Variants in MSRA observed in about 807,000 individuals in gnomAD.
MSRA encodes the protein methionine sulfoxide reductase A.
Under a neutral mutation model 31.3 loss-of-function variants are expected in MSRA, and 54 were observed. The ratio of observed to expected loss-of-function variants is 1.73; its 90% CI spans 1.39 to 2.17. MSRA has a LOEUF of 2.17. MSRA is among the 30% of genes most tolerant of loss of function. The pLI is 0.00. For missense variants in MSRA, 507 were observed against 300.9 expected, an observed-to-expected ratio of 1.69 and a Z score of -5.07; for synonymous variants, 169 against 116.5, an observed-to-expected ratio of 1.45 and a Z score of -2.90.
chr8:10,125,197 G>T (rs1166189428), intron 1 of MSRA, among the ~76,000 whole-genome samples: 4 of 152,200 alleles, frequency 2.6e-5, no homozygotes, highest in Non-Finnish European at 5.9e-5. Flanking sequence ...TTGGGGAGTA[G>T]GGGACAACTT....
chr8:10,125,566 G>A (rs1475292909), intron 1 of MSRA, among the ~76,000 whole-genome samples: 5 of 152,136 alleles, frequency 3.3e-5, no homozygotes, highest in Admixed American at 3.3e-4. Flanking sequence ...GAACATTGGG[G>A]GCCAGGCTCC....
chr8:10,378,831 G>A (rs531074368), intron 5 of MSRA, among the ~76,000 whole-genome samples: 1 of 152,328 alleles, frequency 6.6e-6, no homozygotes, highest in African/African-American at 2.4e-5. Context: ...ACTAAGATGT[G>A]AGAGCCACTG....
At chr8:10,240,928 G>A (rs1430580476) in intron 2 of MSRA, among the ~76,000 whole-genome samples, 1 of 152,108 alleles carries the variant, frequency 6.6e-6, no homozygotes, top group Non-Finnish European at 1.5e-5. Flanking sequence ...GAGGGAGGGA[G>A]TTGGTGCAGC....
intron 4 of MSRA, among the ~76,000 whole-genome samples, chr8:10,319,027 C>T (rs1479501874): frequency 6.6e-6 from 1 of 152,274 alleles, no homozygotes; most frequent in Middle Eastern, 3.4e-3. Context: ...AGACATAGGC[C>T]CCTTCCCCAC....
Position 10,196,309 on chromosome 8 carries a change from C to T in MSRA, c.143-11524C>T, listed in dbSNP as rs192309423. 6.5e-3 allele frequency among the ~76,000 whole-genome samples: 983 copies of T among 152,230 alleles called. 23 individuals carry two copies. Among genetic ancestry groups the T allele is most frequent in the Admixed American group, 0.05 (766 of 15,296 alleles). ...CATTTAATGATGTTTTGGAGGCACA[C>T]GTTGGGCTCCAGAGTGACAGTATGA... is the stretch of plus-strand genomic sequence containing the variant. On this transcript the variant is annotated intron_variant, in intron 1 of 5. Transcript: ENST00000317173.
At chr8:10,411,259 T>C (rs1585717951) in intron 5 of MSRA, 1 of 152,210 alleles carries the variant, frequency 6.6e-6, no homozygotes, top group African/African-American at 2.4e-5. Flanking sequence ...ACGCTGACAG[T>C]ATCACAGGAA....
At chr8:10,349,391 G>GT (rs1176856923) in intron 5 of MSRA, among the ~76,000 whole-genome samples, 1 of 150,978 alleles carries the variant, frequency 6.6e-6, no homozygotes, top group East Asian at 1.9e-4. Flanking sequence ...CACACGTACC[G>GT]TTGCCTTTGC....
chr8:10,261,168 C>T (rs1177704969), intron 3 of MSRA, among the ~76,000 whole-genome samples: 1 of 151,960 alleles, frequency 6.6e-6, no homozygotes, highest in African/African-American at 2.4e-5. Context: ...GTATTGATTA[C>T]CTTTTTATTT....
At chr8:10,122,478 A>G (rs1231221533) in intron 1 of MSRA, among the ~76,000 whole-genome samples, 2 of 152,106 alleles carry the variant, frequency 1.3e-5, no homozygotes, top group Admixed American at 6.6e-5. Context: ...CTGATTAGGA[A>G]TGTAAGTGGA....
In MSRA at chr8:10,298,859, T is replaced by C. The variant is rs562105082; in HGVS notation, c.332-2675T>C. ...TTGTAATAATGACAGAGTGAATTTTTTGTGCATGTATATATCTTTTCTATT... is the reference window on the plus strand; with the variant it reads ...TTGTAATAATGACAGAGTGAATTTTCTGTGCATGTATATATCTTTTCTATT... On this transcript the variant is annotated intron_variant, in intron 3 of 5. Transcript: ENST00000317173. 4.1e-4 allele frequency among the ~76,000 whole-genome samples: 62 copies of C among 152,340 alleles called. 1 individual carries two copies. Among genetic ancestry groups the C allele is most frequent in the South Asian group, 2.1e-3 (10 of 4,826 alleles).
chr8:10,173,777 T>A (rs1805803110), intron 1 of MSRA, among the ~76,000 whole-genome samples: 1 of 152,238 alleles, frequency 6.6e-6, no homozygotes, highest in Admixed American at 6.5e-5. Flanking sequence ...CCTGCAGTCA[T>A]CTGTGTGCCT....
intron 5 of MSRA, among the ~76,000 whole-genome samples, chr8:10,399,046 A>G (rs1452717984): frequency 1.3e-5 from 2 of 152,158 alleles, no homozygotes; most frequent in Admixed American, 1.3e-4. Flanking sequence ...TAAACTGCCT[A>G]TTTGCACAGA....
chr8:10,250,498 C>G (rs1797858742), intron 3 of MSRA: 4 of 701,210 alleles, frequency 5.7e-6, no homozygotes, highest in Non-Finnish European at 1.0e-5. Context: ...GGCACTGAAT[C>G]CAGAAGCATG....
chr8:10,316,554 CT>C (rs1801732467), intron 4 of MSRA, among the ~76,000 whole-genome samples: 1 of 108,548 alleles, frequency 9.2e-6, no homozygotes, highest in Non-Finnish European at 2.0e-5. Context: ...CTCTCTCTCT[CT>C]CTCTCTCTCT....
At chr8:10,171,481 A>G (rs1346765569) in intron 1 of MSRA, among the ~76,000 whole-genome samples, 1 of 152,188 alleles carries the variant, frequency 6.6e-6, no homozygotes, top group Non-Finnish European at 1.5e-5. Context: ...CGTGAGAGAA[A>G]ACAAGGGCCT....
At chr8:10,275,611 G>C (rs1799280170) in intron 3 of MSRA, among the ~76,000 whole-genome samples, 1 of 152,152 alleles carries the variant, frequency 6.6e-6, no homozygotes, top group African/African-American at 2.4e-5. Context: ...AGCAAGAGAT[G>C]GAACTAGGAT....
In MSRA at chr8:10,427,847, G is replaced by A. The variant is rs145461713; in HGVS notation, c.544-301G>A. Among the ~76,000 whole-genome samples the A allele has an allele frequency of 3.4e-3, 511 of 152,318 alleles. 3 individuals are homozygous for A. Among genetic ancestry groups the A allele is most frequent in the African/African-American group, 0.012 (485 of 41,568 alleles). ...GGCCAGTTTCAAACAGACCCACAGC[G>A]TCCAAACCAGGGCCCCCAACATGCA... On this transcript the variant is annotated intron_variant, in intron 5 of 5. Coordinates refer to ENST00000317173, the MANE Select transcript of MSRA (RefSeq NM_012331.5).
chr8:10,153,836 C>T (rs772363981), intron 1 of MSRA, among the ~76,000 whole-genome samples: 1 of 152,214 alleles, frequency 6.6e-6, no homozygotes, highest in African/African-American at 2.4e-5. Flanking sequence ...ATCTCATATT[C>T]TTAATTTCAA....
chr8:10,180,465 T>G lies in MSRA; in HGVS notation c.143-27368T>G, dbSNP rs1019623328. 1.7e-4 allele frequency among the ~76,000 whole-genome samples: 26 copies of G among 152,318 alleles called. 1 individual carries two copies. The highest frequency in any genetic ancestry group is 5.8e-4 in the African/African-American group (24 of 41,560). On this transcript the variant is annotated intron_variant, in intron 1 of 5. Transcript: ENST00000317173. ...GGAGTGATTGATTAAATCACTGGCC[T>G]CTTCCCTCCTCAGAGGTTGGAGAGT...
Sources: gnomAD v4.1 joint callset for allele counts (sites outside exome capture counted in the v4.1 genomes callset) on GRCh38, gnomAD v4.1.1 for gene constraint, MANE v1.5 for transcripts, NCBI Gene and HGNC (gene_info 2026-07-23, HGNC 2026-07-21) for gene names.